The following RIC8B variants were observed in gnomAD, a reference collection of about 807,000 sequenced individuals.
RIC8B encodes the protein RIC8 guanine nucleotide exchange factor B, also known as chaperone Ric-8B.
A neutral mutation model predicts 57.5 loss-of-function variants in RIC8B; 16 were observed. The observed-to-expected ratio is 0.28, with a 90% CI of 0.19 to 0.42. The LOEUF is 0.42. Ranked by LOEUF, RIC8B falls within the 10% of genes least tolerant of loss-of-function variation. The probability of loss-of-function intolerance (pLI) is 1.00; values close to 1 mark genes in which losing one functional copy is unlikely to be tolerated. For missense variants in RIC8B, 481 were observed against 677.0 expected (o/e 0.71, Z 3.21); for synonymous variants, 216 against 250.8 (o/e 0.86, Z 1.31).
At chr12:106,783,365 A>G (rs922346849) in intron 1 of RIC8B, among the ~76,000 whole-genome samples, 1 of 152,220 alleles carries the variant, frequency 6.6e-6, no homozygotes, top group African/African-American at 2.4e-5. Flanking sequence ...CACAGCTAGT[A>G]GGTGGTGGAG....
At chr12:106,862,392 T>C (rs1949978236) in intron 8 of RIC8B, among the ~76,000 whole-genome samples, 2 of 152,034 alleles carry the variant, frequency 1.3e-5, no homozygotes, top group Non-Finnish European at 2.9e-5. Flanking sequence ...TTAATGTTAC[T>C]TTAAAATATT....
intron 4 of RIC8B, among the ~76,000 whole-genome samples, chr12:106,830,733 C>T (rs1593238361): frequency 6.6e-6 from 1 of 152,138 alleles, no homozygotes; most frequent in South Asian, 2.1e-4. Context: ...CCAGACTGCC[C>T]GATTTAAATT....
In RIC8B at chr12:106,842,632, G is replaced by A. The variant is rs751778418; in HGVS notation, c.880G>A (p.Asp294Asn). 3 of 1,611,636 alleles carry A rather than the reference G, an allele frequency of 1.9e-6. No homozygotes were observed. The highest frequency in any genetic ancestry group is 2.5e-6 in the Non-Finnish European group (3 of 1,178,760). The change falls in exon 5 of 10, where the codon GAT becomes AAT. Residue 294 changes from aspartate (D) to asparagine (N), a missense_variant. Around this residue, in one of 3 missense-constraint regions of RIC8B, gnomAD observed 421 missense variants for 560.9 expected, o/e 0.75. Transcript: ENST00000392837. The stretch of plus-strand genomic sequence containing the variant: ...AAGCAATGTTCCAGTCTCTTGTTTG[G>A]ATGTTCTCATTTGTCCGTTAACCCA... ...LLSNVPVSCL[D>N]VLICPLTHEE...
At chr12:106,857,179 A>G (rs2136500175) in intron 7 of RIC8B, among the ~76,000 whole-genome samples, 1 of 152,210 alleles carries the variant, frequency 6.6e-6, no homozygotes, top group Non-Finnish European at 1.5e-5. Flanking sequence ...TTTGCTTTAC[A>G]AAGATATTTT....
At chr12:106,801,857 C>T (rs1008169286) in intron 2 of RIC8B, among the ~76,000 whole-genome samples, 1 of 152,184 alleles carries the variant, frequency 6.6e-6, no homozygotes. Context: ...TTATAGTAAG[C>T]TTATTTTAGA....
At chr12:106,794,748 T>A (rs1337266905) in intron 2 of RIC8B, among the ~76,000 whole-genome samples, 1 of 152,192 alleles carries the variant, frequency 6.6e-6, no homozygotes, top group Non-Finnish European at 1.5e-5. Context: ...TGTTGCTAGC[T>A]GACTCACCTT....
chr12:106,802,247 TA>T (rs757748575), intron 2 of RIC8B, among the ~76,000 whole-genome samples: 6 of 152,206 alleles, frequency 3.9e-5, no homozygotes, highest in Non-Finnish European at 7.4e-5. Context: ...AAATAGTGGT[TA>T]AAGAATATGT....
chr12:106,869,218 A>C (rs1185361620), intron 8 of RIC8B, among the ~76,000 whole-genome samples: 3 of 152,214 alleles, frequency 2.0e-5, no homozygotes, highest in African/African-American at 4.8e-5. Context: ...GATGGTGAGC[A>C]CTGAGTCCTT....
intron 2 of RIC8B, among the ~76,000 whole-genome samples, chr12:106,804,708 T>C (rs2044924587): frequency 6.6e-6 from 1 of 152,230 alleles, no homozygotes; most frequent in African/African-American, 2.4e-5. Flanking sequence ...TCTTTGTGCA[T>C]GTGGAAGAAG....
chr12:106,858,304 C>T (rs751725890), intron 7 of RIC8B, among the ~76,000 whole-genome samples: 1 of 151,970 alleles, frequency 6.6e-6, no homozygotes, highest in Non-Finnish European at 1.5e-5. Context: ...ATCCACTAAA[C>T]CTCCTTGTTT....
intron 8 of RIC8B, among the ~76,000 whole-genome samples, chr12:106,868,104 A>G (rs1950216978): frequency 6.6e-6 from 1 of 152,236 alleles, no homozygotes; most frequent in African/African-American, 2.4e-5. Flanking sequence ...AGCTCTTAAG[A>G]GAACCAAGAA....
chr12:106,850,801 A>C (rs555327037), intron 6 of RIC8B, among the ~76,000 whole-genome samples: 2 of 152,294 alleles, frequency 1.3e-5, no homozygotes, highest in East Asian at 3.9e-4. Flanking sequence ...ATAAAGGTTG[A>C]GTGTCCCTAT....
At position 106,886,104 on chromosome 12, in the gene RIC8B, C is replaced by T; in HGVS notation, c.*89C>T. On this transcript the variant is annotated 3_prime_UTR_variant, in exon 10 of 10. Coordinates refer to ENST00000392837, the MANE Select transcript of RIC8B (RefSeq NM_001330145.2). ...AATCTTTTCTCTAAAACATTTATGC[C>T]CTTGCTTTGGCTAGAAACACATTAA... is the stretch of plus-strand genomic sequence containing the variant. The T allele has an allele frequency of 1.1e-6, 1 of 918,132 alleles. No individual in the cohort carries two copies. The highest frequency in any genetic ancestry group is 1.7e-6 in the Non-Finnish European group (1 of 574,140). The allele number at this position is 918,132 out of a possible 1,614,324, so 56.9% of individuals were successfully genotyped here.
At chr12:106,843,724 A>C (rs1295728432) in intron 5 of RIC8B, 128 bp from the exon 6 acceptor site, 9 of 94,768 alleles carry the variant, frequency 9.5e-5, no homozygotes, top group Non-Finnish European at 1.4e-4. Flanking sequence ...TCCCTCTCCC[A>C]AAAAAAAAAA....
chr12:106,794,472 A>G (rs1311972043), intron 2 of RIC8B, among the ~76,000 whole-genome samples: 3 of 152,316 alleles, frequency 2.0e-5, no homozygotes, highest in Admixed American at 2.0e-4. Flanking sequence ...ACCCAAAGAG[A>G]TGCATAAATA....
intron 2 of RIC8B, among the ~76,000 whole-genome samples, chr12:106,795,733 G>T (rs1387057545): frequency 1.3e-5 from 2 of 152,080 alleles, no homozygotes; most frequent in Admixed American, 1.3e-4. Context: ...GCTGCTCTTT[G>T]TTAGAAAGGA....
intron 1 of RIC8B, among the ~76,000 whole-genome samples, chr12:106,782,749 C>G (rs1430621666): frequency 6.6e-6 from 1 of 152,150 alleles, no homozygotes; most frequent in Non-Finnish European, 1.5e-5. Context: ...TCTCTATCTT[C>G]TTTAATTTAA....
intron 2 of RIC8B, among the ~76,000 whole-genome samples, chr12:106,805,197 G>A (rs1052348352): frequency 1.2e-4 from 18 of 152,096 alleles, no homozygotes; most frequent in African/African-American, 4.3e-4. Flanking sequence ...GCCAGCTTTA[G>A]GAAGCAAGTC....
intron 3 of RIC8B, among the ~76,000 whole-genome samples, chr12:106,821,077 G>A (rs556577099): frequency 1.3e-5 from 2 of 152,354 alleles, no homozygotes; most frequent in South Asian, 4.1e-4. Flanking sequence ...TGTATAAGCT[G>A]TGTTTGTATA....
Sources: gnomAD v4.1 joint callset for allele counts (sites outside exome capture counted in the v4.1 genomes callset) on GRCh38, gnomAD v4.1.1 for gene constraint, gnomAD v4.1.1 regional missense constraint, MANE v1.5 for transcripts, NCBI Gene and HGNC (gene_info 2026-07-23, HGNC 2026-07-21) for gene names.